The following KHDRBS2 variants were observed in gnomAD, a reference collection of about 807,000 sequenced individuals.
KHDRBS2 encodes KH domain-containing, RNA-binding, signal transduction-associated protein 2.
KHDRBS2 carries 26 observed loss-of-function variants against 44.3 expected under a neutral mutation model. The observed-to-expected ratio is 0.59, with a 90% CI of 0.43 to 0.81. The LOEUF (loss-of-function observed/expected upper bound fraction) is 0.81. KHDRBS2 is among the 40% of genes least tolerant of loss of function. KHDRBS2 has a pLI of 0.00. For synonymous variants in KHDRBS2, 194 were observed against 151.1 expected (o/e 1.28, Z -2.08); for missense variants, 476 against 433.1 (o/e 1.10, Z -0.88).
intron 2 of KHDRBS2, among the ~76,000 whole-genome samples, chr6:62,070,967 G>T (rs1166810982): frequency 5.9e-5 from 9 of 152,128 alleles, no homozygotes; most frequent in African/African-American, 2.2e-4. Context: ...CAGTGTAAAA[G>T]TGTTCCTATT....
chr6:61,940,270 A>C (rs1329981248), intron 4 of KHDRBS2, among the ~76,000 whole-genome samples: 1 of 152,060 alleles, frequency 6.6e-6, no homozygotes, highest in Non-Finnish European at 1.5e-5. Context: ...TATTGCCCAC[A>C]TTAAAAACCT....
chr6:62,100,177 G>A (rs1023014345), intron 2 of KHDRBS2, among the ~76,000 whole-genome samples: 8 of 152,202 alleles, frequency 5.3e-5, no homozygotes, highest in African/African-American at 1.9e-4. Flanking sequence ...TGTAACTGTA[G>A]ATGTAATGGA....
chr6:61,561,606 A>G, the KHDRBS2 span, among the ~76,000 whole-genome samples: 2 of 152,028 alleles, frequency 1.3e-5, no homozygotes, highest in Non-Finnish European at 2.9e-5. Flanking sequence ...CAGGGAGAGG[A>G]GCTTCTCCCC....
At chr6:61,983,190 GT>G (rs1183896072) in intron 3 of KHDRBS2, among the ~76,000 whole-genome samples, 1 of 30,438 alleles carries the variant, frequency 3.3e-5, no homozygotes, top group Non-Finnish European at 6.0e-5. Flanking sequence ...AGTAATTAAA[GT>G]TTTTTTCATT....
chr6:61,669,238 G>T, the KHDRBS2 span, among the ~76,000 whole-genome samples: 1 of 150,864 alleles, frequency 6.6e-6, no homozygotes, highest in African/African-American at 2.4e-5. Flanking sequence ...AGTCTTGACA[G>T]GTAGTATGCA....
At chr6:61,648,595 AAGAC>A in the KHDRBS2 span, among the ~76,000 whole-genome samples, 1 of 152,142 alleles carries the variant, frequency 6.6e-6, no homozygotes, top group African/African-American at 2.4e-5. Flanking sequence ...GCACCATATG[AAGAC>A]AGACAATCAG....
At chr6:62,028,716 A>G (rs1309908882) in intron 3 of KHDRBS2, among the ~76,000 whole-genome samples, 1 of 150,316 alleles carries the variant, frequency 6.7e-6, no homozygotes, top group African/African-American at 2.4e-5. Context: ...TGTGTGAACT[A>G]TCACAACTAG....
At chr6:62,113,601 C>T (rs112509852) in intron 2 of KHDRBS2, among the ~76,000 whole-genome samples, 29 of 152,224 alleles carry the variant, frequency 1.9e-4, no homozygotes, top group South Asian at 4.1e-4. Flanking sequence ...TTAACACAAT[C>T]GCATGGCCTC....
chr6:62,055,833 G>A (rs1239936751), intron 2 of KHDRBS2, among the ~76,000 whole-genome samples: 2 of 151,988 alleles, frequency 1.3e-5, no homozygotes, highest in African/African-American at 2.4e-5. Context: ...TTCCTCGCAA[G>A]TCATAGAGAT....
intron 1 of KHDRBS2, among the ~76,000 whole-genome samples, chr6:62,258,443 G>A (rs536702241): frequency 3.3e-5 from 5 of 152,042 alleles, no homozygotes; most frequent in East Asian, 1.9e-4. Flanking sequence ...AAGTACTTAC[G>A]TATGAACAGG....
At chr6:61,934,841 A>G (rs1214178431) in intron 4 of KHDRBS2, among the ~76,000 whole-genome samples, 1 of 152,216 alleles carries the variant, frequency 6.6e-6, no homozygotes, top group East Asian at 1.9e-4. Context: ...GTAAAAACAG[A>G]CACCTAGACA....
intron 1 of KHDRBS2, among the ~76,000 whole-genome samples, chr6:62,248,458 A>C (rs1368215395): frequency 2.0e-5 from 3 of 151,990 alleles, no homozygotes; most frequent in Non-Finnish European, 4.4e-5. Context: ...TCCTGGGTTC[A>C]AGCGATTCTC....
intron 3 of KHDRBS2, among the ~76,000 whole-genome samples, chr6:62,017,056 C>A (rs1584177613): frequency 6.6e-6 from 1 of 152,248 alleles, no homozygotes; most frequent in East Asian, 1.9e-4. Flanking sequence ...TCTCATCTCA[C>A]TTCCTCATCG....
chr6:61,949,165 A>C (rs570694153), intron 4 of KHDRBS2, among the ~76,000 whole-genome samples: 1 of 152,236 alleles, frequency 6.6e-6, no homozygotes, highest in African/African-American at 2.4e-5. Flanking sequence ...AATTATGTTT[A>C]AGTAGGGGTG....
chr6:62,014,325 T>C (rs1333820909), intron 3 of KHDRBS2, among the ~76,000 whole-genome samples: 1 of 152,284 alleles, frequency 6.6e-6, no homozygotes, highest in East Asian at 1.9e-4. Flanking sequence ...CTGGAAGATC[T>C]TGCTTTATGT....
chr6:61,998,162 G>A (rs2127256148), intron 3 of KHDRBS2, among the ~76,000 whole-genome samples: 2 of 152,146 alleles, frequency 1.3e-5, no homozygotes, highest in Admixed American at 6.5e-5. Context: ...GAATGAGGGA[G>A]ACTTACTGAA....
chr6:61,773,039 ATTGT>A (rs1407295513), intron 6 of KHDRBS2, among the ~76,000 whole-genome samples: 1 of 151,988 alleles, frequency 6.6e-6, no homozygotes, highest in African/African-American at 2.4e-5. Flanking sequence ...CCAGTCTATC[ATTGT>A]TTGATATTTG....
At chr6:61,730,152 T>C (rs562961059) in intron 7 of KHDRBS2, among the ~76,000 whole-genome samples, 1 of 152,260 alleles carries the variant, frequency 6.6e-6, no homozygotes, top group South Asian at 2.1e-4. Flanking sequence ...ACTGAGAACC[T>C]CTAGTGTTTC....
intron 8 of KHDRBS2, among the ~76,000 whole-genome samples, chr6:61,695,638 G>A (rs1297184325): frequency 6.6e-6 from 1 of 151,990 alleles, no homozygotes; most frequent in African/African-American, 2.4e-5. Context: ...CACCTTTGTT[G>A]TTCAGTTTCC....
Sources: allele counts gnomAD v4.1 joint callset (sites outside exome capture counted in the v4.1 genomes callset), GRCh38; gene constraint gnomAD v4.1.1; transcripts MANE v1.5; gene names NCBI Gene and HGNC (gene_info 2026-07-23, HGNC 2026-07-21).